The following EPS15L1 variants were observed in gnomAD, a reference collection of about 807,000 sequenced individuals.
EPS15L1 encodes epidermal growth factor receptor substrate 15-like 1.
A neutral mutation model predicts 117.1 loss-of-function variants in EPS15L1; 43 were observed. The ratio of observed to expected loss-of-function variants is 0.37; its 90% confidence interval spans 0.29 to 0.47. The LOEUF (loss-of-function observed/expected upper bound fraction) is 0.47, where lower values mean the gene tolerates loss of function less well. Among genes scored for constraint, EPS15L1 ranks in the 20% least tolerant of loss-of-function variants. The pLI is 0.99. For missense variants in EPS15L1, 981 were observed against 1,164.0 expected, an observed-to-expected ratio of 0.84 and a Z score of 2.29; for synonymous variants, 459 against 470.5, an observed-to-expected ratio of 0.98 and a Z score of 0.32.
intron 19 of EPS15L1, among the ~76,000 whole-genome samples, chr19:16,387,427 T>TTTTAGTAGA (rs2092431692): frequency 6.6e-6 from 1 of 152,130 alleles, no homozygotes; most frequent in African/African-American, 2.4e-5. Flanking sequence ...GTCAATATGG[T>TTTTAGTAGA]AAAACCCATT....
chr19:16,404,386 C>A lies in EPS15L1; in HGVS notation c.1428+202G>T, dbSNP rs1409150089. On this transcript the variant is annotated intron_variant, in intron 14 of 23. Transcript: ENST00000455140. This position sits in a 1 kb window ranked among gnomAD's most constrained non-coding sequence, Gnocchi z 4.2. ...GGACCAAGGCCATTCACTTATACAA[C>A]CTGACTTCTAGGAGTACAGGGGGGT... Among the ~76,000 whole-genome samples, 2 of 152,170 alleles carry A rather than the reference C, an allele frequency of 1.3e-5. 1 individual carries two copies. The highest frequency in any genetic ancestry group is 3.8e-4 in the East Asian group (2 of 5,196).
intron 6 of EPS15L1, 96 bp downstream of exon 6, chr19:16,436,841 A>C: frequency 9.7e-7 from 1 of 1,027,908 alleles, no homozygotes. Context: ...TCTGAACAAC[A>C]TCAAACTAGA....
chr19:16,420,869 G>T (rs765040784), intron 10 of EPS15L1, among the ~76,000 whole-genome samples: 1 of 152,176 alleles, frequency 6.6e-6, no homozygotes, highest in Non-Finnish European at 1.5e-5. Flanking sequence ...TCACCCTCCC[G>T]CCAGGAGCCA....
At chr19:16,375,387 C>A (rs747226947) in intron 22 of EPS15L1, among the ~76,000 whole-genome samples, 5 of 151,930 alleles carry the variant, frequency 3.3e-5, no homozygotes, top group Non-Finnish European at 7.4e-5. Context: ...CACATACATG[C>A]ATAAAAATAC....
intron 22 of EPS15L1, among the ~76,000 whole-genome samples, chr19:16,364,315 C>T (rs937020932): frequency 3.9e-5 from 6 of 152,224 alleles, no homozygotes; most frequent in African/African-American, 1.4e-4. Context: ...GGGGCAGTGC[C>T]CAGCCCACGC....
chr19:16,429,896 T>C (rs1331835729), intron 7 of EPS15L1, among the ~76,000 whole-genome samples: 1 of 152,226 alleles, frequency 6.6e-6, no homozygotes, highest in Non-Finnish European at 1.5e-5. Flanking sequence ...TGGATCATGC[T>C]CTGGGGTGTG....
At position 16,439,471 on chromosome 19, in the gene EPS15L1, T is replaced by C. The variant is rs956592983; in HGVS notation, c.213+1391A>G. On this transcript the variant is annotated intron_variant, in intron 4 of 23. Transcript: ENST00000455140. ...CTTAGGGAGGCCAAGATGGGAGGAT[T>C]GCTTGAGCACAGGAGTTTGAGACCA... Among the ~76,000 whole-genome samples the C allele has an allele frequency of 4.6e-5, 7 of 152,020 alleles. No homozygotes were observed. In the East Asian group the frequency reaches 1.4e-3, roughly 29 times the overall value.
At position 16,371,512 on chromosome 19, in the gene EPS15L1, C is replaced by T. The variant is rs1031141680; in HGVS notation, c.2380+5610G>A. On this transcript the variant is annotated intron_variant, in intron 22 of 23. Coordinates refer to ENST00000455140, the MANE Select transcript of EPS15L1 (RefSeq NM_001258374.3). This position sits in a 1 kb window ranked among gnomAD's most constrained non-coding sequence, Gnocchi z 4.7. ...GACATGCTCATCACCATCACCTATG[C>T]GGCTTTGTTTAGGAGGTGAAAAGGT... Among the ~76,000 whole-genome samples, 6 of 152,184 alleles carry T rather than the reference C, an allele frequency of 3.9e-5. No individual in the cohort carries two copies. Among genetic ancestry groups the T allele is most frequent in the African/African-American group, 4.8e-5 (2 of 41,438 alleles).
chr19:16,399,815 C>T (rs566254041), intron 16 of EPS15L1, among the ~76,000 whole-genome samples: 2 of 152,112 alleles, frequency 1.3e-5, no homozygotes, highest in South Asian at 4.2e-4. Flanking sequence ...AGCCATTGTG[C>T]CCGGCCAGTT....
intron 7 of EPS15L1, among the ~76,000 whole-genome samples, chr19:16,433,948 G>A (rs779429694): frequency 6.6e-6 from 1 of 150,692 alleles, no homozygotes; most frequent in Non-Finnish European, 1.5e-5. Context: ...AGGCAACAGA[G>A]CAAGACTCCA....
intron 13 of EPS15L1, among the ~76,000 whole-genome samples, chr19:16,409,225 T>C (rs919162383): frequency 6.6e-6 from 1 of 152,096 alleles, no homozygotes; most frequent in Non-Finnish European, 1.5e-5. Flanking sequence ...AGCGAGACTG[T>C]CTCTAAAAAC....
At chr19:16,470,022 C>T (rs1015919807) in intron 1 of EPS15L1, among the ~76,000 whole-genome samples, 5 of 152,044 alleles carry the variant, frequency 3.3e-5, no homozygotes, top group Non-Finnish European at 5.9e-5. Flanking sequence ...CATTTCCAAA[C>T]GAAGAAAACC....
Position 16,355,498 on chromosome 19 carries a change from A to C in EPS15L1, c.*207T>G. On this transcript the variant is annotated 3_prime_UTR_variant, in exon 24 of 24. Coordinates refer to ENST00000455140, the MANE Select transcript of EPS15L1 (RefSeq NM_001258374.3). ...GCACAGTGGAGAGACGGACCTGCAG[A>C]AGTGGTGGCCAAGGCCTCTGTAAGG... 2 of 587,534 alleles carry C rather than the reference A, an allele frequency of 3.4e-6. No individual in the cohort carries two copies. Among genetic ancestry groups the C allele is most frequent in the South Asian group, 5.0e-5 (2 of 40,390 alleles). 36.4% of individuals were successfully genotyped at this position (587,534 alleles called of 1,614,324 possible).
chr19:16,359,504 T>C (rs1323852125), intron 23 of EPS15L1, among the ~76,000 whole-genome samples: 1 of 152,134 alleles, frequency 6.6e-6, no homozygotes, highest in Non-Finnish European at 1.5e-5. Flanking sequence ...GTGGCTGAAG[T>C]ACACTATCTG....
intron 22 of EPS15L1, 86 bp downstream of exon 22, chr19:16,377,036 A>C: frequency 6.8e-7 from 1 of 1,477,432 alleles, no homozygotes; most frequent in South Asian, 1.4e-5. Context: ...ATCTGCTGCT[A>C]CTCTGGGCTG....
At chr19:16,380,128 G>A (rs1241168755) in intron 21 of EPS15L1, among the ~76,000 whole-genome samples, 6 of 144,464 alleles carry the variant, frequency 4.2e-5, no homozygotes, top group South Asian at 2.2e-4. Flanking sequence ...CTAAGGCTCC[G>A]GCATCTAGTC....
In EPS15L1 at chr19:16,383,077, G is replaced by A. The variant is rs2092380069; in HGVS notation, c.2247+2052C>T. The A allele has an allele frequency of 1.3e-5, 2 of 152,162 alleles. No homozygotes were observed. The highest frequency in any genetic ancestry group is 6.5e-5 in the Admixed American group (1 of 15,280). The allele number at this position is 152,162 out of a possible 1,614,324, so 9.4% of individuals were successfully genotyped here. ...CAAAAAGGAAAAACAGAGCTGCAAG[G>A]TCAGGGTTGAGCTCAGAATGCGGCT... On this transcript the variant is annotated intron_variant, in intron 21 of 23. Transcript: ENST00000455140. The surrounding 1 kb of genome is among the most constrained non-coding windows in gnomAD (Gnocchi z 5.2).
chr19:16,401,119 C>T lies in EPS15L1; in HGVS notation c.1791+1202G>A, dbSNP rs1000023829. ...ATTTAGACGATAAAGCTGATGATGA[C>T]GGGCCCGGGGGCGGCTATGGAAACC... On this transcript the variant is annotated intron_variant, in intron 16 of 23. Transcript: ENST00000455140. 15 of 985,210 alleles carry T rather than the reference C, an allele frequency of 1.5e-5. No homozygotes were observed. The South Asian group carries it at 1.9e-4, about 12-fold the overall frequency. The allele number at this position is 985,210 out of a possible 1,614,324, so 61.0% of individuals were successfully genotyped here.
intron 1 of EPS15L1, among the ~76,000 whole-genome samples, chr19:16,470,056 T>C (rs1452809755): frequency 2.0e-5 from 3 of 151,932 alleles, no homozygotes; most frequent in Non-Finnish European, 2.9e-5. Context: ...ATTCAACAAA[T>C]GTATAGGGAA....
Sources: gnomAD v4.1 joint callset for allele counts (sites outside exome capture counted in the v4.1 genomes callset) on GRCh38, gnomAD v4.1.1 for gene constraint, Gnocchi (gnomAD v3.1) non-coding constraint, MANE v1.5 for transcripts, NCBI Gene and HGNC (gene_info 2026-07-23, HGNC 2026-07-21) for gene names.